SLC14A2: variants seen among roughly 807,000 people sequenced by gnomAD.
SLC14A2 encodes the protein urea transporter 2.
A neutral mutation model predicts 104.6 loss-of-function variants in SLC14A2; 91 were observed. The ratio of observed to expected loss-of-function variants is 0.87; its 90% CI spans 0.73 to 1.04. The LOEUF is 1.04. Ranked by LOEUF, SLC14A2 falls within the 50% of genes least tolerant of loss-of-function variation. SLC14A2 has a pLI of 0.00. For synonymous variants in SLC14A2, 476 were observed against 466.4 expected (o/e 1.02, Z -0.27); for missense variants, 1,189 against 1,156.0 (o/e 1.03, Z -0.41).
intron 2 of SLC14A2, among the ~76,000 whole-genome samples, chr18:45,518,832 CCTT>C (rs1230464897): frequency 2.6e-5 from 4 of 152,176 alleles, no homozygotes; most frequent in African/African-American, 7.2e-5. Context: ...CACCTTAGCT[CCTT>C]CTCCCTGGAG....
the SLC14A2 span, among the ~76,000 whole-genome samples, chr18:45,171,032 TCAAA>T: frequency 1.4e-3 from 214 of 152,166 alleles, no homozygotes; most frequent in African/African-American, 4.8e-3. Flanking sequence ...ATGGAATGAC[TCAAA>T]CAGAGATCTA....
At chr18:45,437,624 C>A (rs966901708) in intron 1 of SLC14A2, among the ~76,000 whole-genome samples, 1 of 152,160 alleles carries the variant, frequency 6.6e-6, no homozygotes, top group Admixed American at 6.5e-5. Flanking sequence ...TGCAAGAACT[C>A]GGTCACCGCC....
At chr18:45,540,720 G>T (rs2144856535) in intron 2 of SLC14A2, among the ~76,000 whole-genome samples, 1 of 152,168 alleles carries the variant, frequency 6.6e-6, no homozygotes, top group African/African-American at 2.4e-5. Context: ...ACTCCAGCCT[G>T]GACAACAGAG....
intron 1 of SLC14A2, among the ~76,000 whole-genome samples, chr18:45,389,880 C>T (rs1053583814): frequency 6.6e-6 from 1 of 152,100 alleles, no homozygotes; most frequent in African/African-American, 2.4e-5. Flanking sequence ...GATGGATATC[C>T]AAACTTTAAT....
intron 1 of SLC14A2, among the ~76,000 whole-genome samples, chr18:45,354,681 A>T (rs1164719494): frequency 6.6e-6 from 1 of 152,196 alleles, no homozygotes; most frequent in South Asian, 2.1e-4. Context: ...GGTAAAGGAC[A>T]ATTTCTGTGG....
chr18:45,280,504 G>A (rs936120173), intron 1 of SLC14A2, among the ~76,000 whole-genome samples: 1 of 151,994 alleles, frequency 6.6e-6, no homozygotes, highest in African/African-American at 2.4e-5. Flanking sequence ...CAGCCTCGAA[G>A]GCCACAGATT....
intron 4 of SLC14A2, among the ~76,000 whole-genome samples, chr18:45,628,092 T>C (rs1295989830): frequency 1.3e-5 from 2 of 151,922 alleles, no homozygotes; most frequent in Non-Finnish European, 2.9e-5. Context: ...CTTTGCCGTA[T>C]ATTTTTCCAG....
chr18:45,550,455 TCA>T, intron 2 of SLC14A2, among the ~76,000 whole-genome samples: 1 of 152,190 alleles, frequency 6.6e-6, no homozygotes, highest in Non-Finnish European at 1.5e-5. Context: ...TTTGAAGTGC[TCA>T]CAGTCTGTCT....
At chr18:45,487,615 G>A (rs556369366) in intron 2 of SLC14A2, among the ~76,000 whole-genome samples, 1 of 152,112 alleles carries the variant, frequency 6.6e-6, no homozygotes, top group African/African-American at 2.4e-5. Context: ...TGAGATGAAG[G>A]TGTGTGTGTT....
chr18:45,638,216 CA>C (rs916108887), intron 6 of SLC14A2, among the ~76,000 whole-genome samples: 1 of 152,164 alleles, frequency 6.6e-6, no homozygotes, highest in Non-Finnish European at 1.5e-5. Context: ...TGGTCTGGTA[CA>C]AAGTGTTTTC....
intron 1 of SLC14A2, among the ~76,000 whole-genome samples, chr18:45,272,069 G>A (rs75231123): frequency 0.1 from 15,314 of 151,944 alleles, 1,667 homozygotes; most frequent in African/African-American, 0.25. Flanking sequence ...TTTTCAATAA[G>A]TGGTGCTGGG....
At chr18:45,441,933 C>A (rs942471003) in intron 1 of SLC14A2, among the ~76,000 whole-genome samples, 2 of 152,128 alleles carry the variant, frequency 1.3e-5, no homozygotes, top group East Asian at 3.9e-4. Context: ...CAAGGAGAAA[C>A]ATGAAAAAAG....
intron 1 of SLC14A2, among the ~76,000 whole-genome samples, chr18:45,456,406 C>A (rs2086944473): frequency 6.6e-6 from 1 of 152,232 alleles, no homozygotes; most frequent in East Asian, 1.9e-4. Context: ...GGCTGTTAGT[C>A]TCCTTGCATC....
chr18:45,407,727 T>G (rs1456850135), intron 1 of SLC14A2, among the ~76,000 whole-genome samples: 1 of 152,130 alleles, frequency 6.6e-6, no homozygotes, highest in Admixed American at 6.6e-5. Flanking sequence ...TCAATACTGT[T>G]GTATCTCAGG....
rs1175441106 is a variant in SLC14A2, at chr18:45,214,615, T to C, written c.-125+1424T>C. On this transcript the variant is annotated intron_variant, in intron 1 of 20. Coordinates refer to the SLC14A2 transcript ENST00000586448. Reference sequence around the variant, plus strand: ...TTTTATGTAGCATAATCCATCACCATGTTAGATGTTGGGGCAGGGAAGAGG... The same window carrying C: ...TTTTATGTAGCATAATCCATCACCACGTTAGATGTTGGGGCAGGGAAGAGG... Among the ~76,000 whole-genome samples the C allele has an allele frequency of 5.3e-5, 8 of 152,250 alleles. No homozygotes were observed. The East Asian group carries it at 1.5e-3, about 29-fold the overall frequency.
At chr18:45,293,315 C>T (rs1479536286) in intron 1 of SLC14A2, among the ~76,000 whole-genome samples, 1 of 151,918 alleles carries the variant, frequency 6.6e-6, no homozygotes, top group East Asian at 1.9e-4. Context: ...TATTGAGTAT[C>T]CATAAAGCCC....
upstream of SLC14A2, among the ~76,000 whole-genome samples, chr18:45,210,003 T>G (rs773280890): frequency 1.3e-5 from 2 of 152,184 alleles, no homozygotes; most frequent in South Asian, 4.1e-4. Flanking sequence ...GAAAGCCCGA[T>G]AGCATCAGAA....
At chr18:45,545,857 A>C (rs184785343) in intron 2 of SLC14A2, among the ~76,000 whole-genome samples, 71 of 152,336 alleles carry the variant, frequency 4.7e-4, no homozygotes, top group African/African-American at 1.4e-3. Context: ...AATGAGATTT[A>C]TATATTTTTT....
At chr18:45,673,401 T>C (rs2046174355) in intron 17 of SLC14A2, among the ~76,000 whole-genome samples, 1 of 152,242 alleles carries the variant, frequency 6.6e-6, no homozygotes, top group African/African-American at 2.4e-5. Context: ...TTCTCTTTCT[T>C]GGCAGGGGAA....
Sources: gnomAD v4.1 joint callset for allele counts (sites outside exome capture counted in the v4.1 genomes callset) on GRCh38, gnomAD v4.1.1 for gene constraint, MANE v1.5 for transcripts, NCBI Gene and HGNC (gene_info 2026-07-23, HGNC 2026-07-21) for gene names.